Variants in DNAH17 observed in about 807,000 individuals in gnomAD.
DNAH17 encodes axonemal beta dynein heavy chain 17.
Under a neutral mutation model 485.6 loss-of-function variants are expected in DNAH17, and 376 were observed. The observed-to-expected ratio is 0.77, with a 90% confidence interval of 0.71 to 0.84. The LOEUF is 0.84. Ranked by LOEUF, DNAH17 falls within the 40% of genes least tolerant of loss-of-function variation. The pLI is 0.00. For missense variants in DNAH17, 6,370 were observed against 5,839.3 expected (o/e 1.09, Z -2.96); for synonymous variants, 3,031 against 2,405.9 (o/e 1.26, Z -7.60).
At position 78,426,504 on chromosome 17, in the gene DNAH17, T is replaced by C. The variant is rs751426571; in HGVS notation, c.12868A>G (p.Met4290Val). The change falls in exon 79 of 81, where the codon ATG becomes GTG. Residue 4290 changes from methionine (M) to valine (V), a missense_variant. Physicochemically the swap from Met to Val is conservative, Grantham distance 21 (BLOSUM62 1). Coordinates refer to ENST00000389840, the MANE Select transcript of DNAH17 (RefSeq NM_173628.4). The part of the protein sequence containing the change: ...DTWVARAYPS[M>V]MGLAAWYADL... ...GCGTACCAGGCCGCCAGGCCCATCATGGAGGGGTAGGCCCGGGCCACCCAC... is the reference window on the plus strand; with the variant it reads ...GCGTACCAGGCCGCCAGGCCCATCACGGAGGGGTAGGCCCGGGCCACCCAC... 2.5e-6 allele frequency: 4 copies of C among 1,613,272 alleles called. No homozygotes were observed. The highest frequency in any genetic ancestry group is 2.5e-6 in the Non-Finnish European group (3 of 1,179,548).
At chr17:78,491,664 A>C in intron 42 of DNAH17, 94 bp from the exon 43 acceptor site, 5 of 1,490,300 alleles carry the variant, frequency 3.4e-6, no homozygotes, top group Non-Finnish European at 3.6e-6. Context: ...TCTGGGAGGG[A>C]GCCTGTCCCC....
At position 78,505,305 on chromosome 17, in the gene DNAH17, G is replaced by T. The variant is rs1377760397; in HGVS notation, c.4944C>A (p.Asp1648Glu). The T allele has an allele frequency of 1.2e-5, 19 of 1,613,796 alleles. No homozygotes were observed. The highest frequency in any genetic ancestry group is 1.6e-5 in the Non-Finnish European group (19 of 1,179,858). The change falls in exon 31 of 81, where the codon GAC (aspartate) becomes GAA (glutamate). Residue 1648 changes from aspartate (D) to glutamate (E), a missense_variant. By Grantham distance (45) the Asp-to-Glu change is conservative. Coordinates refer to ENST00000389840, the MANE Select transcript of DNAH17 (RefSeq NM_173628.4). Reference protein sequence around the residue: ...DEYMVFDQECDLSGQVEVWLN... With the variant: ...DEYMVFDQECELSGQVEVWLN... The stretch of plus-strand genomic sequence containing the variant: ...CGCACACACTCACCTGCCCCGAGAG[G>T]TCGCATTCCTGATCAAAAACCATGT...
At chr17:78,503,334 C>T (rs912381052) in intron 31 of DNAH17, among the ~76,000 whole-genome samples, 1 of 129,242 alleles carries the variant, frequency 7.7e-6, no homozygotes, top group Non-Finnish European at 1.6e-5. Context: ...CGCCCGCCCC[C>T]ACTCCCGGCA....
chr17:78,424,051 C>A lies in DNAH17; in HGVS notation c.13244G>T (p.Arg4415Leu). The change falls in exon 81 of 81, where the codon CGC becomes CTC. Residue 4415 changes from arginine (R) to leucine (L), a missense_variant. Arg to Leu is a moderately radical substitution (Grantham distance 102). Coordinates refer to ENST00000389840, the MANE Select transcript of DNAH17 (RefSeq NM_173628.4). ...VIFIKAIPVD[R>L]METKNIYECP... The stretch of plus-strand genomic sequence containing the variant: ...CTCATAGATGTTCTTGGTCTCCATG[C>A]GGTCCACAGGAATGGCCTTGATGAA... The A allele has an allele frequency of 1.9e-6, 3 of 1,614,022 alleles. No individual in the cohort carries two copies. The highest frequency in any genetic ancestry group is 1.7e-6 in the Non-Finnish European group (2 of 1,179,902).
intron 49 of DNAH17, 128 bp from the exon 50 acceptor site, chr17:78,479,760 G>A: frequency 1.6e-6 from 2 of 1,279,656 alleles, no homozygotes; most frequent in Non-Finnish European, 2.2e-6. Flanking sequence ...GTCAGAATGG[G>A]CAGTTACCCT....
At chr17:78,511,730 C>T (rs2090640442) in intron 26 of DNAH17, among the ~76,000 whole-genome samples, 1 of 152,248 alleles carries the variant, frequency 6.6e-6, no homozygotes, top group African/African-American at 2.4e-5. Context: ...TGGAACCTTG[C>T]ATCTCTAATC....
chr17:78,517,051 GT>G (rs2090806120), intron 25 of DNAH17, among the ~76,000 whole-genome samples: 1 of 152,152 alleles, frequency 6.6e-6, no homozygotes. Flanking sequence ...TGATTCTTTT[GT>G]TTTTGAGACA....
chr17:78,462,747 CCA>C, intron 57 of DNAH17, 95 bp downstream of exon 57: 1 of 1,221,176 alleles, frequency 8.2e-7, no homozygotes, highest in Admixed American at 2.0e-5. Context: ...GTGCTGAGCC[CCA>C]GTGTGACCAG....
At position 78,469,476 on chromosome 17, in the gene DNAH17, G is replaced by A. The variant is rs535829710; in HGVS notation, c.8512-593C>T. Among the ~76,000 whole-genome samples, 3 of 152,318 alleles carry A rather than the reference G, an allele frequency of 2.0e-5. No homozygotes were observed. The South Asian group carries it at 6.2e-4, about 32-fold the overall frequency. On this transcript the variant is annotated intron_variant, in intron 54 of 80. Transcript: ENST00000389840. ...ACTTTCTAAGAAACACAGGCCAGGT[G>A]CGGTGGCTCATGCTTATAATTCTAG...
intron 25 of DNAH17, among the ~76,000 whole-genome samples, chr17:78,516,790 C>T (rs527939551): frequency 1.3e-5 from 2 of 151,956 alleles, no homozygotes; most frequent in African/African-American, 2.4e-5. Context: ...TCTGTTAAGG[C>T]CTGGCTGTAA....
rs1165198662 is a variant in DNAH17 at position 78,466,811 on chromosome 17, G to A, written c.8784C>T (p.Ile2928=). The A allele has an allele frequency of 6.3e-7, 1 of 1,585,418 alleles. No homozygotes were observed. The highest frequency in any genetic ancestry group is 1.4e-5 in the African/African-American group (1 of 73,738). Residue 2928 remains isoleucine (I), a synonymous_variant, in exon 56 of 81, where the codon ATC becomes ATT. Coordinates refer to ENST00000389840, the MANE Select transcript of DNAH17 (RefSeq NM_173628.4). ...IEKVRRQLKV[I]LCFSPVGSVL... Reference sequence around the variant, plus strand: ...CGGAGCCCACAGGGGAGAAACACAGGATCACCTGGGTGTGGGAGACACAGA... The same window carrying A: ...CGGAGCCCACAGGGGAGAAACACAGAATCACCTGGGTGTGGGAGACACAGA...
intron 27 of DNAH17, among the ~76,000 whole-genome samples, chr17:78,509,292 A>T (rs1011809593): frequency 6.8e-6 from 1 of 148,088 alleles, no homozygotes; most frequent in African/African-American, 2.6e-5. Flanking sequence ...AAATTTATTT[A>T]TTTTTTTTGT....
At chr17:78,450,947 T>C (rs1598469645) in intron 66 of DNAH17, 101 bp from the exon 67 acceptor site, 2 of 1,462,728 alleles carry the variant, frequency 1.4e-6, no homozygotes, top group Non-Finnish European at 9.3e-7. Context: ...GGCCCAGGCT[T>C]TGAGCGGGAG....
At chr17:78,538,104 C>T (rs1240395357) in intron 18 of DNAH17, among the ~76,000 whole-genome samples, 2 of 143,550 alleles carry the variant, frequency 1.4e-5, no homozygotes, top group Non-Finnish European at 3.0e-5. Flanking sequence ...TGTGCCATTG[C>T]ACTCCAGCCT....
chr17:78,545,458 C>A (rs1215052022), intron 16 of DNAH17, among the ~76,000 whole-genome samples: 1 of 152,286 alleles, frequency 6.6e-6, no homozygotes, highest in Non-Finnish European at 1.5e-5. Flanking sequence ...GGTGAGGGCT[C>A]TCTTCCTGGT....
At chr17:78,554,043 C>T (rs1193735419) in intron 14 of DNAH17, among the ~76,000 whole-genome samples, 1 of 152,138 alleles carries the variant, frequency 6.6e-6, no homozygotes, top group East Asian at 1.9e-4. Context: ...CATCTTCCCA[C>T]TTCAGTCTCC....
chr17:78,526,991 C>T lies in DNAH17; in HGVS notation c.3513G>A (p.Leu1171=). ...PEEIHLKLQE[L]PEHWANTKKL... ...TCTTGGTATTTGCCCAGTGCTCCGG[C>T]AGCTCCTGCGGGAAGCAAAGGCAGA... is the stretch of plus-strand genomic sequence containing the variant. The change falls in exon 23 of 81, where the codon CTG becomes CTA. Residue 1171 remains leucine (L), a synonymous_variant. Coordinates refer to ENST00000389840, the MANE Select transcript of DNAH17 (RefSeq NM_173628.4). The T allele has an allele frequency of 2.5e-6, 4 of 1,573,976 alleles. No individual in the cohort carries two copies. Among genetic ancestry groups the T allele is most frequent in the African/African-American group, 1.3e-5 (1 of 74,236 alleles).
At chr17:78,492,328 A>G (rs1320840112) in intron 42 of DNAH17, among the ~76,000 whole-genome samples, 6 of 152,046 alleles carry the variant, frequency 3.9e-5, no homozygotes, top group Admixed American at 6.5e-5. Flanking sequence ...CTGGGCTCCC[A>G]TGCACTCCTC....
intron 1 of DNAH17, among the ~76,000 whole-genome samples, chr17:78,575,989 C>G (rs982820790): frequency 6.6e-6 from 1 of 152,222 alleles, no homozygotes; most frequent in Non-Finnish European, 1.5e-5. Flanking sequence ...AAAGGGTCGC[C>G]TGATGCTGTG....
Sources: gnomAD v4.1 joint callset for allele counts (sites outside exome capture counted in the v4.1 genomes callset) on GRCh38, gnomAD v4.1.1 for gene constraint, MANE v1.5 for transcripts, NCBI Gene and HGNC (gene_info 2026-07-23, HGNC 2026-07-21) for gene names.